Variants in BAZ1B observed in about 807,000 individuals in gnomAD.
The protein encoded by BAZ1B is bromodomain adjacent to zinc finger domain 1B, also known as tyrosine-protein kinase BAZ1B.
A neutral mutation model predicts 153.8 loss-of-function variants in BAZ1B; 22 were observed. The observed-to-expected ratio is 0.14, with a 90% CI of 0.10 to 0.20. The LOEUF (loss-of-function observed/expected upper bound fraction) is 0.20, where lower values mean the gene tolerates loss of function less well. Among genes scored for constraint, BAZ1B ranks in the 10% least tolerant of loss-of-function variants. The pLI is 1.00. For missense variants in BAZ1B, 1,325 were observed against 1,799.3 expected, an observed-to-expected ratio of 0.74 and a Z score of 4.77; for synonymous variants, 676 against 633.4, an observed-to-expected ratio of 1.07 and a Z score of -1.01.
intron 2 of BAZ1B, among the ~76,000 whole-genome samples, chr7:73,508,890 A>G (rs1167137851): frequency 6.6e-6 from 1 of 151,924 alleles, no homozygotes; most frequent in East Asian, 1.9e-4. Flanking sequence ...GCTGGTGCCT[A>G]TCGTCCCAGC....
chr7:73,461,459 T>G (rs1177108292), intron 12 of BAZ1B, among the ~76,000 whole-genome samples: 3 of 152,150 alleles, frequency 2.0e-5, no homozygotes, highest in Admixed American at 6.6e-5. Flanking sequence ...AGGCCTGAAT[T>G]TGGCACAAAG....
At position 73,477,450 on chromosome 7, in the gene BAZ1B, A is replaced by T; in HGVS notation, c.2011T>A (p.Tyr671Asn). ...TLLQDEIAEDYGELGMKLSEI... is the reference protein window; with the variant it reads ...TLLQDEIAEDNGELGMKLSEI... ...GACAGCTTCATTCCCAATTCACCAT[A>T]GTCTTCTGCTATCTCATCTTGTAGG... The change falls in exon 7 of 20, where the codon TAT becomes AAT. Residue 671 changes from tyrosine to asparagine, a missense_variant. Tyr to Asn is a moderately radical substitution (Grantham distance 143). Transcript: ENST00000339594. This position sits in a 1 kb window ranked among gnomAD's most constrained non-coding sequence, Gnocchi z 5.6. The T allele has an allele frequency of 6.2e-7, 1 of 1,614,216 alleles. No individual in the cohort carries two copies. Among genetic ancestry groups the T allele is most frequent in the Non-Finnish European group, 8.5e-7 (1 of 1,180,042 alleles).
At chr7:73,475,582 T>C (rs782626947) in intron 7 of BAZ1B, among the ~76,000 whole-genome samples, 1 of 151,444 alleles carries the variant, frequency 6.6e-6, no homozygotes, top group Non-Finnish European at 1.5e-5. Context: ...GGGAGAAGAG[T>C]GAGTGACTTT....
At chr7:73,471,102 A>C (rs1788787851) in intron 7 of BAZ1B, among the ~76,000 whole-genome samples, 1 of 152,226 alleles carries the variant, frequency 6.6e-6, no homozygotes, top group Non-Finnish European at 1.5e-5. Context: ...AAATAGGACT[A>C]ACTGAAACAT....
At chr7:73,488,858 T>C (rs1487235307) in intron 6 of BAZ1B, among the ~76,000 whole-genome samples, 1 of 152,110 alleles carries the variant, frequency 6.6e-6, no homozygotes, top group African/African-American at 2.4e-5. Flanking sequence ...ACATGCAAAA[T>C]CAGTTTTCAT....
Position 73,477,727 on chromosome 7 carries a change from C to T in BAZ1B, c.1734G>A (p.Lys578=). Residue 578 remains lysine (K), a synonymous_variant, in exon 7 of 20, where the codon AAG becomes AAA. Coordinates refer to ENST00000339594, the MANE Select transcript of BAZ1B (RefSeq NM_032408.4). This position sits in a 1 kb window ranked among gnomAD's most constrained non-coding sequence, Gnocchi z 5.6. ...KEMLERLEKQ[K]RYEDQELTGK... is the part of the protein sequence containing the mutation. The stretch of plus-strand genomic sequence containing the variant: ...CAGTTAACTCTTGGTCCTCATACCG[C>T]TTCTGTTTTTCTAATCTCTCAAGCA... The T allele has an allele frequency of 6.2e-7, 1 of 1,614,168 alleles. No individual in the cohort carries two copies. The highest frequency in any genetic ancestry group is 8.5e-7 in the Non-Finnish European group (1 of 1,180,044).
chr7:73,449,489 A>G (rs1554567588), intron 15 of BAZ1B, 53 bp downstream of exon 15: 2 of 1,547,532 alleles, frequency 1.3e-6, no homozygotes, highest in African/African-American at 2.8e-5. Context: ...GCTTAATTAT[A>G]ACAGCTATTC....
chr7:73,492,078 C>T (rs956464036), intron 5 of BAZ1B, among the ~76,000 whole-genome samples: 6 of 151,566 alleles, frequency 4.0e-5, no homozygotes, highest in Non-Finnish European at 7.4e-5. Flanking sequence ...CTGCAACCTC[C>T]GCCTCCCAGG....
Position 73,505,723 on chromosome 7 carries a change from G to A in BAZ1B, c.369+2604C>T, listed in dbSNP as rs573774254. Among the ~76,000 whole-genome samples, 6 of 152,148 alleles carry A rather than the reference G, an allele frequency of 3.9e-5. No individual in the cohort carries two copies. In the East Asian group the frequency reaches 1.2e-3, roughly 29 times the overall value. ...GCACCACCATACCTGGCTAATTTTT[G>A]TATTTTTTGGAGAGATAGGGTATCG... On this transcript the variant is annotated intron_variant, in intron 3 of 19. Coordinates refer to ENST00000339594, the MANE Select transcript of BAZ1B (RefSeq NM_032408.4).
chr7:73,453,433 C>T (rs1374720237), intron 13 of BAZ1B, among the ~76,000 whole-genome samples: 3 of 152,256 alleles, frequency 2.0e-5, no homozygotes, highest in Non-Finnish European at 4.4e-5. Flanking sequence ...TAATGAGAAC[C>T]CTACAGTGAT....
chr7:73,471,915 A>C (rs1214574741), intron 7 of BAZ1B, among the ~76,000 whole-genome samples: 1 of 152,138 alleles, frequency 6.6e-6, no homozygotes, highest in South Asian at 2.1e-4. Context: ...GCCCAATTAC[A>C]ATCAAGGAAA....
chr7:73,470,478 G>C lies in BAZ1B; in HGVS notation c.2599C>G (p.Leu867Val), dbSNP rs782184319. The C allele has an allele frequency of 3.1e-6, 5 of 1,610,980 alleles. No homozygotes were observed. The Admixed American group carries it at 8.5e-5, about 27-fold the overall frequency. ...CGTTCTTCTTCAGCTTGGCGTTCCAGTTTCACTGTTAAAAATAAAAAGACT... is the reference window on the plus strand; with the variant it reads ...CGTTCTTCTTCAGCTTGGCGTTCCACTTTCACTGTTAAAAATAAAAAGACT... ...EIQEREMKVKLERQAEEERIR... is the reference protein window; with the variant it reads ...EIQEREMKVKVERQAEEERIR... Residue 867 changes from leucine to valine, a missense_variant, in exon 8 of 20, where the codon CTG (leucine) becomes GTG (valine). Coordinates refer to ENST00000339594, the MANE Select transcript of BAZ1B (RefSeq NM_032408.4).
At chr7:73,455,188 A>G (rs1402846267) in intron 13 of BAZ1B, among the ~76,000 whole-genome samples, 1 of 152,010 alleles carries the variant, frequency 6.6e-6, no homozygotes, top group Non-Finnish European at 1.5e-5. Context: ...CCTGGTCCTG[A>G]ACTTAAGGCT....
chr7:73,473,893 A>T (rs1788905488), intron 7 of BAZ1B, among the ~76,000 whole-genome samples: 1 of 152,202 alleles, frequency 6.6e-6, no homozygotes. Context: ...TGAGCCCAAG[A>T]GGTCAAGGCT....
intron 1 of BAZ1B, among the ~76,000 whole-genome samples, chr7:73,513,390 C>T (rs549995127): frequency 2.0e-5 from 3 of 152,230 alleles, no homozygotes; most frequent in African/African-American, 7.2e-5. Context: ...TGGATCTTTC[C>T]CCAGATCTGC....
At chr7:73,471,470 T>C (rs1456682671) in intron 7 of BAZ1B, among the ~76,000 whole-genome samples, 1 of 152,194 alleles carries the variant, frequency 6.6e-6, no homozygotes, top group African/African-American at 2.4e-5. Context: ...CTTGACACCA[T>C]AGGGTACATG....
At chr7:73,461,283 A>C (rs1489628239) in intron 12 of BAZ1B, among the ~76,000 whole-genome samples, 1 of 152,122 alleles carries the variant, frequency 6.6e-6, no homozygotes, top group Non-Finnish European at 1.5e-5. Context: ...CATGAACAAG[A>C]CCTATCTCTT....
At chr7:73,494,299 C>G (rs1789784862) in intron 4 of BAZ1B, among the ~76,000 whole-genome samples, 1 of 152,150 alleles carries the variant, frequency 6.6e-6, no homozygotes, top group Non-Finnish European at 1.5e-5. Flanking sequence ...AGAAGAATTG[C>G]TTGAACCCGG....
intron 6 of BAZ1B, among the ~76,000 whole-genome samples, chr7:73,484,328 C>T (rs1256570852): frequency 6.6e-6 from 1 of 151,710 alleles, no homozygotes; most frequent in Non-Finnish European, 1.5e-5. Context: ...GACAGACAGA[C>T]AGACAGACAG....
Sources: allele counts gnomAD v4.1 joint callset (sites outside exome capture counted in the v4.1 genomes callset), GRCh38; gene constraint gnomAD v4.1.1; non-coding constraint Gnocchi (gnomAD v3.1); transcripts MANE v1.5; gene names NCBI Gene and HGNC (gene_info 2026-07-23, HGNC 2026-07-21).